Variants in AVEN observed in about 807,000 individuals in gnomAD.
The protein encoded by AVEN is apoptosis and caspase activation inhibitor.
In AVEN, 41 loss-of-function variants were observed where a neutral mutation model predicts 38.1. The observed-to-expected ratio is 1.08, with a 90% confidence interval of 0.84 to 1.40. AVEN has a LOEUF of 1.40. AVEN is among the 40% of genes most tolerant of loss of function. The probability of loss-of-function intolerance (pLI) is 0.00; values close to 1 mark genes in which losing one functional copy is unlikely to be tolerated. For missense variants in AVEN, 605 were observed against 438.8 expected, an observed-to-expected ratio of 1.38 and a Z score of -3.38; for synonymous variants, 206 against 171.8, an observed-to-expected ratio of 1.20 and a Z score of -1.56.
intron 3 of AVEN, among the ~76,000 whole-genome samples, chr15:33,871,761 G>T (rs1260836452): frequency 8.1e-6 from 1 of 124,108 alleles, no homozygotes; most frequent in Non-Finnish European, 1.7e-5. Flanking sequence ...GGTTTCAAAC[G>T]AGCTAGTCTC....
intron 2 of AVEN, among the ~76,000 whole-genome samples, chr15:33,976,813 G>A (rs1895908268): frequency 6.6e-6 from 1 of 152,050 alleles, no homozygotes; most frequent in Admixed American, 6.5e-5. Context: ...ATCCCCAGCT[G>A]AACTTTTGAA....
chr15:34,053,319 A>AAAAAAT (rs775436850), intron 5 of AVEN, among the ~76,000 whole-genome samples: 50 of 42,046 alleles, frequency 1.2e-3, no homozygotes, highest in African/African-American at 2.8e-3. Context: ...AAAAAAAAAA[A>AAAAAAT]ATATATATAT....
chr15:33,914,788 T>C (rs901929129), intron 2 of AVEN, among the ~76,000 whole-genome samples: 3 of 151,974 alleles, frequency 2.0e-5, no homozygotes, highest in Non-Finnish European at 4.4e-5. Flanking sequence ...TAGGTAGAGA[T>C]ACATGTATGC....
In AVEN at chr15:33,982,760, T is replaced by C. The variant is rs114442681; in HGVS notation, c.445+20272A>G. 1.4e-3 allele frequency among the ~76,000 whole-genome samples: 208 copies of C among 151,390 alleles called. 2 individuals are homozygous for C. Among genetic ancestry groups the C allele is most frequent in the African/African-American group, 4.7e-3 (195 of 41,324 alleles). Reference sequence around the variant, plus strand: ...AAATACCATGATGCTTTCCCCATGATGTTTTCCCCTTATGAATCGAAAAAC... The same window carrying C: ...AAATACCATGATGCTTTCCCCATGACGTTTTCCCCTTATGAATCGAAAAAC... On this transcript the variant is annotated intron_variant, in intron 2 of 5. Coordinates refer to ENST00000306730, the MANE Select transcript of AVEN (RefSeq NM_020371.3).
chr15:33,889,492 T>C (rs28463350), intron 2 of AVEN, among the ~76,000 whole-genome samples: 3,365 of 152,304 alleles, frequency 0.022, 123 homozygotes, highest in African/African-American at 0.077. Flanking sequence ...ATAATGTCCC[T>C]TGAATACACC....
At chr15:33,917,401 G>T (rs925202758) in intron 2 of AVEN, among the ~76,000 whole-genome samples, 1 of 142,164 alleles carries the variant, frequency 7.0e-6, no homozygotes, top group Non-Finnish European at 1.5e-5. Flanking sequence ...CACACACATG[G>T]AATACTACTA....
intron 2 of AVEN, among the ~76,000 whole-genome samples, chr15:33,982,279 C>T (rs1896186681): frequency 6.6e-6 from 1 of 151,950 alleles, no homozygotes; most frequent in Admixed American, 6.6e-5. Context: ...AGAGGTTGGC[C>T]CTAATGCATT....
chr15:33,955,832 G>A (rs551359941), intron 2 of AVEN, among the ~76,000 whole-genome samples: 2 of 152,292 alleles, frequency 1.3e-5, no homozygotes, highest in Admixed American at 6.5e-5. Flanking sequence ...GTGATGTAAC[G>A]TAATTCACCA....
chr15:33,943,565 T>G (rs1312984679), intron 2 of AVEN, among the ~76,000 whole-genome samples: 1 of 152,158 alleles, frequency 6.6e-6, no homozygotes, highest in African/African-American at 2.4e-5. Flanking sequence ...TACAATAGGC[T>G]GGGCACACGC....
intron 2 of AVEN, among the ~76,000 whole-genome samples, chr15:33,914,766 T>G (rs1457786336): frequency 2.0e-5 from 3 of 151,924 alleles, no homozygotes; most frequent in Non-Finnish European, 2.9e-5. Flanking sequence ...TCATGATTTT[T>G]TTTTAAAAGT....
intron 1 of AVEN, among the ~76,000 whole-genome samples, chr15:34,019,416 C>T (rs1358420363): frequency 6.6e-6 from 1 of 152,024 alleles, no homozygotes; most frequent in African/African-American, 2.4e-5. Flanking sequence ...AAGAAAATTA[C>T]AGTAAACTAG....
intron 2 of AVEN, among the ~76,000 whole-genome samples, chr15:33,888,799 G>A (rs1010471575): frequency 2.6e-5 from 4 of 152,066 alleles, no homozygotes; most frequent in Non-Finnish European, 5.9e-5. Context: ...TCACCAGACT[G>A]GAGTGCAGTG....
In AVEN at chr15:33,944,809, GA is replaced by G. The variant is rs530925637; in HGVS notation, c.445+58222del. Among the ~76,000 whole-genome samples the G allele has an allele frequency of 2.1e-3, 278 of 134,146 alleles. 1 individual carries two copies. The highest frequency in any genetic ancestry group is 6.9e-3 in the African/African-American group (253 of 36,628). 88.0% of individuals were successfully genotyped at this position (134,146 alleles called of 152,430 possible). Reference sequence around the variant, plus strand: ...GGGCGACAGAGTGAGACTCAGTCTCGAAAAAAAAAAAACCCACCAAAAGTTC... The same window carrying G: ...GGGCGACAGAGTGAGACTCAGTCTCGAAAAAAAAAAACCCACCAAAAGTTC... On this transcript the variant is annotated intron_variant, in intron 2 of 5. Coordinates refer to ENST00000306730, the MANE Select transcript of AVEN (RefSeq NM_020371.3).
downstream of AVEN, among the ~76,000 whole-genome samples, chr15:33,855,210 T>TTTTG (rs1280080052): frequency 1.3e-5 from 2 of 152,244 alleles, no homozygotes; most frequent in Middle Eastern, 3.4e-3. Context: ...AGATCTTTTT[T>TTTTG]TTTTTGTGAC....
At chr15:33,862,937 A>AAGAT (rs1184674037), downstream of AVEN, among the ~76,000 whole-genome samples, 1 of 152,242 alleles carries the variant, frequency 6.6e-6, no homozygotes, top group African/African-American at 2.4e-5. Context: ...GAGTTTTAAA[A>AAGAT]AGATAACTTT....
At chr15:34,010,153 C>T (rs1187593933) in intron 1 of AVEN, among the ~76,000 whole-genome samples, 2 of 152,108 alleles carry the variant, frequency 1.3e-5, no homozygotes, top group Non-Finnish European at 2.9e-5. Context: ...GAACCATATG[C>T]TTAACAGAAA....
chr15:34,002,707 T>C (rs1295458219), intron 2 of AVEN, among the ~76,000 whole-genome samples: 1 of 152,172 alleles, frequency 6.6e-6, no homozygotes, highest in African/African-American at 2.4e-5. Context: ...ATAAGGAATG[T>C]TTCCTCCAAT....
chr15:33,954,185 C>T (rs943223587), intron 2 of AVEN, among the ~76,000 whole-genome samples: 4 of 152,298 alleles, frequency 2.6e-5, no homozygotes, highest in South Asian at 2.1e-4. Context: ...AAAATAGGAA[C>T]GCTTTTACAC....
intron 2 of AVEN, among the ~76,000 whole-genome samples, chr15:33,889,982 A>G (rs1891866454): frequency 6.6e-6 from 1 of 152,226 alleles, no homozygotes; most frequent in Admixed American, 6.5e-5. Flanking sequence ...CATTCTACCG[A>G]TTCCAAACTT....
Sources: allele counts gnomAD v4.1 joint callset (sites outside exome capture counted in the v4.1 genomes callset), GRCh38; gene constraint gnomAD v4.1.1; transcripts MANE v1.5; gene names NCBI Gene and HGNC (gene_info 2026-07-23, HGNC 2026-07-21).